ATN1: variants seen among roughly 807,000 people sequenced by gnomAD.
ATN1 encodes the protein atrophin 1.
Under a neutral mutation model 85.8 loss-of-function variants are expected in ATN1, and 19 were observed. The observed-to-expected ratio is 0.22, with a 90% CI of 0.15 to 0.32. The LOEUF is 0.32. Among genes scored for constraint, ATN1 ranks in the 10% least tolerant of loss-of-function variants. ATN1 has a pLI of 1.00. For missense variants in ATN1, 1,453 were observed against 1,564.5 expected (o/e 0.93, Z 1.20); for synonymous variants, 674 against 657.0 (o/e 1.03, Z -0.39).
Position 6,937,722 on chromosome 12 carries a change from A to G in ATN1, c.2295-123A>G. The G allele has an allele frequency of 1.4e-6, 2 of 1,447,066 alleles. No homozygotes were observed. Among genetic ancestry groups the G allele is most frequent in the Non-Finnish European group, 1.8e-6 (2 of 1,103,160 alleles). 89.6% of individuals were successfully genotyped at this position (1,447,066 alleles called of 1,614,324 possible). On this transcript the variant is annotated intron_variant, in intron 5 of 9. Coordinates refer to ENST00000396684, the MANE Select transcript of ATN1 (RefSeq NM_001940.4). This position sits in a 1 kb window ranked among gnomAD's most constrained non-coding sequence, Gnocchi z 6.0. ...CCTAGTGGCCAGTGAGGCCCGCAGCAGCTCACAGCCTGCAGGGGTGGTTTT... is the reference window on the plus strand; with the variant it reads ...CCTAGTGGCCAGTGAGGCCCGCAGCGGCTCACAGCCTGCAGGGGTGGTTTT...
At position 6,941,332 on chromosome 12, in the gene ATN1, G is replaced by A. The variant is rs1945631645; in HGVS notation, c.3359-42G>A. 3 of 1,549,266 alleles carry A rather than the reference G, an allele frequency of 1.9e-6. No individual in the cohort carries two copies. The South Asian group carries it at 3.7e-5, about 19-fold the overall frequency. On this transcript the variant is annotated intron_variant, in intron 8 of 9. Transcript: ENST00000396684. The surrounding 1 kb of genome is among the most constrained non-coding windows in gnomAD (Gnocchi z 5.9). The stretch of plus-strand genomic sequence containing the variant: ...ATCCCCTGGTCCAGAGCAGGTACTT[G>A]TTATCCGTTGGTCATATGCCCCTTG...
Position 6,936,515 on chromosome 12 carries a change from A to C in ATN1, c.1248A>C (p.Thr416=), listed in dbSNP as rs1945536041. ...ACCCCCACTCTTTCCCTCCCCCAACAAGCCTCTCTGTCTCCAATCAGCCCC... is the reference window on the plus strand; with the variant it reads ...ACCCCCACTCTTTCCCTCCCCCAACCAGCCTCTCTGTCTCCAATCAGCCCC... ...PSYPHSFPPP[T]SLSVSNQPPK... is the part of the protein sequence containing the mutation. Residue 416 remains threonine, a synonymous_variant, in exon 5 of 10, where the codon ACA becomes ACC. Transcript: ENST00000396684. The C allele has an allele frequency of 7.2e-7, 1 of 1,391,862 alleles. No homozygotes were observed. Among genetic ancestry groups the C allele is most frequent in the Non-Finnish European group, 9.4e-7 (1 of 1,060,042 alleles). 86.2% of individuals were successfully genotyped at this position (1,391,862 alleles called of 1,614,324 possible). A position where few individuals can be genotyped will look rare whatever the true frequency, so the allele number is the denominator to read the frequency against.
intron 1 of ATN1, among the ~76,000 whole-genome samples, chr12:6,928,971 T>A (rs1392265316): frequency 6.6e-6 from 1 of 151,378 alleles, no homozygotes; most frequent in Non-Finnish European, 1.5e-5. Context: ...CAAAGAGAGG[T>A]CCATTTTTGA....
chr12:6,935,076 CA>C lies in ATN1; in HGVS notation c.280-470del, dbSNP rs1555143405. 1.3e-5 allele frequency among the ~76,000 whole-genome samples: 2 copies of C among 152,064 alleles called. No individual in the cohort carries two copies. The highest frequency in any genetic ancestry group is 4.8e-5 in the African/African-American group (2 of 41,410). ...CTAATTTTTGTATTTTTGGTAGAGA[CA>C]GTGTTTCACCATGTTGGCCAGGCTG... On this transcript the variant is annotated intron_variant, in intron 4 of 9. Transcript: ENST00000396684. The surrounding 1 kb of genome is among the most constrained non-coding windows in gnomAD (Gnocchi z 5.3).
chr12:6,937,035 C>T lies in ATN1; in HGVS notation c.1768C>T (p.Pro590Ser). 6.2e-7 allele frequency: 1 copy of T among 1,614,018 alleles called. No homozygotes were observed. Among genetic ancestry groups the T allele is most frequent in the Non-Finnish European group, 8.5e-7 (1 of 1,179,976 alleles). The stretch of plus-strand genomic sequence containing the variant: ...GTCCTACCCATGTTCACACCCCTCC[C>T]CTTCCCAGGGCCCTCAAGGGGCGCC... ...QGSYPCSHPSPSQGPQGAPYP... is the reference protein window; with the variant it reads ...QGSYPCSHPSSSQGPQGAPYP... The change falls in exon 5 of 10, where the codon CCT (proline) becomes TCT (serine). Residue 590 changes from proline (P) to serine (S), a missense_variant. Transcript: ENST00000396684. The surrounding 1 kb of genome is among the most constrained non-coding windows in gnomAD (Gnocchi z 6.0).
At chr12:6,925,202 G>A (rs1945388542), upstream of ATN1, among the ~76,000 whole-genome samples, 1 of 151,942 alleles carries the variant, frequency 6.6e-6, no homozygotes, top group African/African-American at 2.4e-5. Flanking sequence ...TCAGGTAGGG[G>A]AGGAATGGGA....
chr12:6,926,529 C>T (rs1945400623), upstream of ATN1, among the ~76,000 whole-genome samples: 1 of 151,508 alleles, frequency 6.6e-6, no homozygotes, highest in Non-Finnish European at 1.5e-5. Context: ...GGCTGGAGTG[C>T]AGTGGCGCGA....
chr12:6,925,141 T>TGTGTGTGTGTGTGTGA (rs1445451270), upstream of ATN1, among the ~76,000 whole-genome samples: 8 of 147,662 alleles, frequency 5.4e-5, no homozygotes, highest in Middle Eastern at 3.4e-3. Flanking sequence ...TGTGTGTGTG[T>TGTGTGTGTGTGTGTGA]GAGAGAGAGA....
Position 6,934,376 on chromosome 12 carries a change from G to A in ATN1, c.165+63G>A. 3 of 1,598,204 alleles carry A rather than the reference G, an allele frequency of 1.9e-6. No homozygotes were observed. The highest frequency in any genetic ancestry group is 1.9e-4 in the Middle Eastern group (1 of 5,236). ...GCACTGGGGCTGAGGGTGTGTGTGT[G>A]TTGTGGGGGAACTTCCTGTTTGGCA... On this transcript the variant is annotated intron_variant, in intron 3 of 9. Coordinates refer to ENST00000396684, the MANE Select transcript of ATN1 (RefSeq NM_001940.4). The surrounding 1 kb of genome is among the most constrained non-coding windows in gnomAD (Gnocchi z 4.5).
At chr12:6,927,509 A>G (rs1174228427), upstream of ATN1, among the ~76,000 whole-genome samples, 4 of 128,274 alleles carry the variant, frequency 3.1e-5, no homozygotes, top group Non-Finnish European at 5.0e-5. Flanking sequence ...TGCCCTCACC[A>G]CCCACAGCCC....
Position 6,935,695 on chromosome 12 carries a change from ATGACTC to A in ATN1, c.435_440del (p.Asp146_Ser147del). 6.2e-7 allele frequency: 1 copy of A among 1,613,934 alleles called. No homozygotes were observed. Among genetic ancestry groups the A allele is most frequent in the Non-Finnish European group, 8.5e-7 (1 of 1,179,916 alleles). ...ATCTACAGCCCTGGAAGTGTGGAGA[ATGACTC>A]TGACTCATCTTCTGGCCTGTCCCAG... On this transcript the variant is annotated inframe_deletion, in exon 5 of 10. Coordinates refer to ENST00000396684, the MANE Select transcript of ATN1 (RefSeq NM_001940.4). The surrounding 1 kb of genome is among the most constrained non-coding windows in gnomAD (Gnocchi z 5.3).
intron 1 of ATN1, among the ~76,000 whole-genome samples, chr12:6,930,334 C>T (rs1591658969): frequency 6.6e-6 from 1 of 152,248 alleles, no homozygotes; most frequent in South Asian, 2.1e-4. Context: ...GGCCAATGAT[C>T]CTGAAATTTA....
rs1945508789 is a variant in ATN1 at position 6,934,685 on chromosome 12, G to A, written c.279+107G>A. ...GATCTCTCCTGGGACATAAGAGAAA[G>A]GCCAGATCATAGTGCTTATGAGAGC... On this transcript the variant is annotated intron_variant, in intron 4 of 9. Coordinates refer to ENST00000396684, the MANE Select transcript of ATN1 (RefSeq NM_001940.4). This position sits in a 1 kb window ranked among gnomAD's most constrained non-coding sequence, Gnocchi z 4.5. 2 of 829,650 alleles carry A rather than the reference G, an allele frequency of 2.4e-6. No individual in the cohort carries two copies. Among genetic ancestry groups the A allele is most frequent in the South Asian group, 3.2e-5 (2 of 63,448 alleles). 51.4% of individuals were successfully genotyped at this position (829,650 alleles called of 1,614,324 possible). A position where few individuals can be genotyped will look rare whatever the true frequency, so the allele number is the denominator to read the frequency against.
At position 6,938,681 on chromosome 12, in the gene ATN1, G is replaced by T. The variant is rs371860532; in HGVS notation, c.2718G>T (p.Val906=). 6.2e-7 allele frequency: 1 copy of T among 1,614,144 alleles called. No individual in the cohort carries two copies. The highest frequency in any genetic ancestry group is 1.7e-5 in the Admixed American group (1 of 60,036). The change falls in exon 7 of 10, where the codon GTG becomes GTT. Residue 906 remains valine, a synonymous_variant. Transcript: ENST00000396684. ...SPGNRNHPFY[V]PLGAVDPGLL... is the part of the protein sequence containing the mutation. Reference sequence around the variant, plus strand: ...GCAATCGCAACCATCCATTCTACGTGCCCCTGGGGGCAGTGGACCCGGGGC... The same window carrying T: ...GCAATCGCAACCATCCATTCTACGTTCCCCTGGGGGCAGTGGACCCGGGGC...
chr12:6,936,080 C>A lies in ATN1; in HGVS notation c.813C>A (p.Pro271=). The change falls in exon 5 of 10, where the codon CCC becomes CCA. Residue 271 remains proline (P), a synonymous_variant. Coordinates refer to ENST00000396684, the MANE Select transcript of ATN1 (RefSeq NM_001940.4). ...CAAGCTCTGGGGCTAGTGGTGCTCC[C>A]CCAACAAAGCCGCCTACCACTCCAG... ...SVSSSGASGA[P]PTKPPTTPVG... The A allele has an allele frequency of 1.3e-6, 2 of 1,531,092 alleles. No individual in the cohort carries two copies. Among genetic ancestry groups the A allele is most frequent in the South Asian group, 1.3e-5 (1 of 77,296 alleles). The allele number at this position is 1,531,092 out of a possible 1,614,324, so 94.8% of individuals were successfully genotyped here.
rs200910295 is a variant in ATN1, at chr12:6,934,887, GT to G, written c.279+318del. 2.0e-5 allele frequency among the ~76,000 whole-genome samples: 3 copies of G among 151,456 alleles called. No individual in the cohort carries two copies. Among genetic ancestry groups the G allele is most frequent in the Non-Finnish European group, 2.9e-5 (2 of 67,812 alleles). On this transcript the variant is annotated intron_variant, in intron 4 of 9. Transcript: ENST00000396684. The surrounding 1 kb of genome is among the most constrained non-coding windows in gnomAD (Gnocchi z 4.5). ...GCAGAAGTGGTCTTTCTTTTTTATT[GT>G]TTTTTTTTGTTTGTTTGTTTTTGAG...
chr12:6,937,125 AC>A lies in ATN1; in HGVS notation c.1860del (p.Val621TrpfsTer101). 1 of 1,611,326 alleles carries A rather than the reference AC, an allele frequency of 6.2e-7. No homozygotes were observed. On this transcript the variant is annotated frameshift_variant, in exon 5 of 10. Coordinates refer to ENST00000396684, the MANE Select transcript of ATN1 (RefSeq NM_001940.4). LOFTEE classifies it high-confidence loss of function. This position sits in a 1 kb window ranked among gnomAD's most constrained non-coding sequence, Gnocchi z 6.0. ...SSATLSTVIA[T>X]VASSPAGYKT... ...GGCTACCCTTTCCACGGTCATTGCC[AC>A]CGTGGCTTCCTCGCCAGCAGGCTAC... is the stretch of plus-strand genomic sequence containing the variant.
Position 6,937,991 on chromosome 12 carries a change from A to G in ATN1, c.2441A>G (p.Glu814Gly), listed in dbSNP as rs371882969. The change falls in exon 6 of 10, where the codon GAA becomes GGA. Residue 814 changes from glutamate to glycine, a missense_variant. Around this residue, in one of 6 missense-constraint regions of ATN1, gnomAD observed 990 missense variants for 914.8 expected, o/e 1.08. Coordinates refer to ENST00000396684, the MANE Select transcript of ATN1 (RefSeq NM_001940.4). The surrounding 1 kb of genome is among the most constrained non-coding windows in gnomAD (Gnocchi z 6.0). ...GAGGCCGAGCAGCGCGCGCGCGAAG[A>G]AAAGGAGCGCGAGCGCGAGCGGGAA... The part of the protein sequence containing the change: ...RREAEQRARE[E>G]KERERERERE... 7 of 1,549,290 alleles carry G rather than the reference A, an allele frequency of 4.5e-6. No individual in the cohort carries two copies. Among genetic ancestry groups the G allele is most frequent in the African/African-American group, 1.4e-5 (1 of 72,998 alleles).
At chr12:6,933,165 G>C (rs1945487170) in intron 1 of ATN1, among the ~76,000 whole-genome samples, 1 of 152,032 alleles carries the variant, frequency 6.6e-6, no homozygotes, top group Non-Finnish European at 1.5e-5. Flanking sequence ...GTATGTGAAG[G>C]GCTTGATATA....
Sources: allele counts gnomAD v4.1 joint callset (sites outside exome capture counted in the v4.1 genomes callset), GRCh38; gene constraint gnomAD v4.1.1; regional missense constraint gnomAD v4.1.1; non-coding constraint Gnocchi (gnomAD v3.1); transcripts MANE v1.5; gene names NCBI Gene and HGNC (gene_info 2026-07-23, HGNC 2026-07-21).